EFCAB6: variants seen among roughly 807,000 people sequenced by gnomAD.
EFCAB6 encodes EF-hand calcium binding domain 6, also known as EF-hand calcium-binding domain-containing protein 6.
In EFCAB6, 156 loss-of-function variants were observed where a neutral mutation model predicts 169.8. The ratio of observed to expected loss-of-function variants is 0.92; its 90% CI spans 0.81 to 1.05. The LOEUF (loss-of-function observed/expected upper bound fraction) is 1.05. EFCAB6 is among the 50% of genes least tolerant of loss of function. The pLI is 0.00. For missense variants in EFCAB6, 1,800 were observed against 1,829.1 expected (o/e 0.98, Z 0.29); for synonymous variants, 698 against 676.4 (o/e 1.03, Z -0.50).
At chr22:43,659,593 G>A (rs1025462900) in intron 17 of EFCAB6, among the ~76,000 whole-genome samples, 1 of 152,046 alleles carries the variant, frequency 6.6e-6, no homozygotes, top group Non-Finnish European at 1.5e-5. Flanking sequence ...CTGGGAGGTC[G>A]AGGCTGCAGT....
intron 6 of EFCAB6, among the ~76,000 whole-genome samples, chr22:43,751,936 G>GCTC (rs1309694544): frequency 2.0e-5 from 3 of 152,132 alleles, no homozygotes; most frequent in African/African-American, 7.2e-5. Context: ...ACTTAGAACA[G>GCTC]CTCCTAGTAC....
intron 6 of EFCAB6, among the ~76,000 whole-genome samples, chr22:43,743,142 A>T (rs2060434437): frequency 1.3e-5 from 2 of 152,278 alleles, no homozygotes; most frequent in African/African-American, 4.8e-5. Context: ...AAGACAAAAT[A>T]TTCAATTAAA....
intron 17 of EFCAB6, among the ~76,000 whole-genome samples, chr22:43,635,813 G>T (rs989659072): frequency 6.6e-6 from 1 of 152,122 alleles, no homozygotes; most frequent in Non-Finnish European, 1.5e-5. Flanking sequence ...TATGTTGGGG[G>T]CAGAGGGAGC....
intron 8 of EFCAB6, among the ~76,000 whole-genome samples, chr22:43,728,832 C>T (rs573589098): frequency 6.6e-6 from 1 of 152,312 alleles, no homozygotes; most frequent in Non-Finnish European, 1.5e-5. Context: ...GGATAGATTG[C>T]AAAATTGTCC....
At chr22:43,793,830 G>C (rs986624658) in intron 2 of EFCAB6, among the ~76,000 whole-genome samples, 1 of 152,192 alleles carries the variant, frequency 6.6e-6, no homozygotes, top group East Asian at 1.9e-4. Flanking sequence ...AGGGGAGAAA[G>C]AGCTATTCCA....
chr22:43,624,977 C>T (rs949329566), intron 20 of EFCAB6, among the ~76,000 whole-genome samples: 6 of 152,154 alleles, frequency 3.9e-5, no homozygotes, highest in African/African-American at 1.2e-4. Context: ...TAATGTTAGG[C>T]AATCAAGTCT....
chr22:43,649,936 A>G (rs1462232924), intron 17 of EFCAB6, among the ~76,000 whole-genome samples: 2 of 152,226 alleles, frequency 1.3e-5, no homozygotes, highest in Non-Finnish European at 2.9e-5. Flanking sequence ...GGAGACAACA[A>G]AAGGAGAGAC....
At chr22:43,546,403 A>G (rs1467692564) in intron 27 of EFCAB6, among the ~76,000 whole-genome samples, 2 of 152,198 alleles carry the variant, frequency 1.3e-5, no homozygotes, top group African/African-American at 2.4e-5. Flanking sequence ...TCCTACACAC[A>G]CAGTTTCAGA....
intron 17 of EFCAB6, among the ~76,000 whole-genome samples, chr22:43,644,501 G>A (rs2056023680): frequency 6.6e-6 from 1 of 152,140 alleles, no homozygotes; most frequent in South Asian, 2.1e-4. Context: ...TCTTCTCTCT[G>A]ATCCCCACAT....
chr22:43,577,160 G>A (rs921992743), intron 25 of EFCAB6, among the ~76,000 whole-genome samples: 5 of 152,186 alleles, frequency 3.3e-5, no homozygotes, highest in Non-Finnish European at 1.5e-5. Context: ...TCCTACAGTA[G>A]AGTAGTTAAA....
Position 43,772,897 on chromosome 22 carries a change from C to T in EFCAB6, c.346G>A (p.Ala116Thr). The change falls in exon 4 of 32, where the codon GCT becomes ACT. Residue 116 changes from alanine to threonine, a missense_variant. Coordinates refer to ENST00000262726, the MANE Select transcript of EFCAB6 (RefSeq NM_022785.4). ...LTREQFQDVL[A>T]QIPLSTSGTV... The stretch of plus-strand genomic sequence containing the variant: ...GTATGTACAACATACAGCACCTGAG[C>T]CAACACGTCCTGAAACTGTTCTCGT... 1 of 1,614,180 alleles carries T rather than the reference C, an allele frequency of 6.2e-7. No homozygotes were observed. The highest frequency in any genetic ancestry group is 1.1e-5 in the South Asian group (1 of 91,082).
intron 6 of EFCAB6, among the ~76,000 whole-genome samples, chr22:43,739,221 C>A (rs78156513): frequency 0.032 from 4,870 of 152,328 alleles, 165 homozygotes; most frequent in African/African-American, 0.085. Context: ...CTTGTCAAAC[C>A]CAAGGGCCAC....
At chr22:43,714,516 T>C (rs1426133610) in intron 9 of EFCAB6, among the ~76,000 whole-genome samples, 1 of 125,112 alleles carries the variant, frequency 8.0e-6, no homozygotes, top group African/African-American at 3.0e-5. Flanking sequence ...TTTGCTTTGT[T>C]AATTTCAAGG....
At chr22:43,571,986 G>A (rs977249502) in intron 26 of EFCAB6, among the ~76,000 whole-genome samples, 3 of 152,124 alleles carry the variant, frequency 2.0e-5, no homozygotes, top group Non-Finnish European at 4.4e-5. Context: ...ATCCTCCTAG[G>A]CCAATTTAGG....
At chr22:43,784,662 TACATATACATATATACACACACAC>T (rs2062000319) in intron 2 of EFCAB6, among the ~76,000 whole-genome samples, 1 of 84,598 alleles carries the variant, frequency 1.2e-5, no homozygotes, top group African/African-American at 4.6e-5. Flanking sequence ...TGTGTATATA[TACATATACATATATACACACACAC>T]ACACACACAC....
chr22:43,529,981 G>A (rs527892655), intron 31 of EFCAB6, among the ~76,000 whole-genome samples: 56 of 152,334 alleles, frequency 3.7e-4, no homozygotes, highest in Middle Eastern at 3.4e-3. Context: ...TGGAAAGCAG[G>A]GCTAGATGGC....
intron 26 of EFCAB6, among the ~76,000 whole-genome samples, chr22:43,556,188 T>C (rs1040828298): frequency 9.2e-5 from 14 of 152,084 alleles, no homozygotes; most frequent in African/African-American, 3.1e-4. Flanking sequence ...CAGCAGAGTC[T>C]TGAGCCTCCT....
chr22:43,560,970 C>T (rs1807023203), intron 26 of EFCAB6, among the ~76,000 whole-genome samples: 1 of 152,166 alleles, frequency 6.6e-6, no homozygotes, highest in Admixed American at 6.5e-5. Flanking sequence ...TGCTGGGCAC[C>T]TATCAGCCTC....
At chr22:43,565,014 AG>A (rs1432644197) in intron 26 of EFCAB6, among the ~76,000 whole-genome samples, 1 of 152,130 alleles carries the variant, frequency 6.6e-6, no homozygotes, top group East Asian at 1.9e-4. Flanking sequence ...GCCCTTTGCC[AG>A]GGGGGGCTTT....
Sources: allele counts gnomAD v4.1 joint callset (sites outside exome capture counted in the v4.1 genomes callset), GRCh38; gene constraint gnomAD v4.1.1; transcripts MANE v1.5; gene names NCBI Gene and HGNC (gene_info 2026-07-23, HGNC 2026-07-21).